Variants in MCAT observed in about 807,000 individuals in gnomAD.
MCAT encodes malonyl-CoA-acyl carrier protein transacylase, mitochondrial.
MCAT carries 22 observed loss-of-function variants against 22.9 expected under a neutral mutation model. The observed-to-expected ratio is 0.96, with a 90% confidence interval of 0.69 to 1.37. The LOEUF is 1.37. Ranked by LOEUF, MCAT falls within the 40% of genes most tolerant of loss-of-function variation. MCAT has a pLI of 0.00. For synonymous variants in MCAT, 240 were observed against 233.9 expected, an observed-to-expected ratio of 1.03 and a Z score of -0.24; for missense variants, 534 against 533.6, an observed-to-expected ratio of 1.00 and a Z score of -0.01.
intron 3 of MCAT, among the ~76,000 whole-genome samples, chr22:43,136,566 G>C (rs1300518618): frequency 6.6e-6 from 1 of 152,222 alleles, no homozygotes; most frequent in East Asian, 1.9e-4. Context: ...CCATTCACGG[G>C]GCTCTTCCTT....
chr22:43,140,028 T>C (rs1930725385), intron 2 of MCAT, among the ~76,000 whole-genome samples: 2 of 152,204 alleles, frequency 1.3e-5, no homozygotes, highest in South Asian at 4.1e-4. Context: ...AATTAACCAC[T>C]TTAATGTGTA....
chr22:43,136,317 CAG>C (rs1180608942), intron 3 of MCAT, among the ~76,000 whole-genome samples: 1 of 152,244 alleles, frequency 6.6e-6, no homozygotes, highest in Non-Finnish European at 1.5e-5. Context: ...TGAAGTAAGA[CAG>C]AAATGCCTGG....
intron 2 of MCAT, among the ~76,000 whole-genome samples, chr22:43,139,935 T>C (rs375012916): frequency 6.6e-5 from 10 of 152,276 alleles, no homozygotes; most frequent in African/African-American, 2.4e-4. Flanking sequence ...AATTGTTTCA[T>C]AAAATGTGAA....
chr22:43,142,429 G>A (rs1930794109), intron 1 of MCAT, among the ~76,000 whole-genome samples: 1 of 151,836 alleles, frequency 6.6e-6, no homozygotes, highest in Non-Finnish European at 1.5e-5. Context: ...AGAGGTTGCA[G>A]TGAGCCAAGA....
chr22:43,135,156 C>T (rs1030451877), intron 3 of MCAT, among the ~76,000 whole-genome samples: 1 of 152,238 alleles, frequency 6.6e-6, no homozygotes, highest in Non-Finnish European at 1.5e-5. Flanking sequence ...GGCTTCCCCC[C>T]TGAGGGGGTA....
intron 2 of MCAT, among the ~76,000 whole-genome samples, chr22:43,140,242 A>G (rs1300213125): frequency 6.6e-6 from 1 of 152,176 alleles, no homozygotes; most frequent in East Asian, 1.9e-4. Flanking sequence ...CAGTGGCACA[A>G]TCGTGGCTCA....
At chr22:43,140,230 T>G (rs1346245010) in intron 2 of MCAT, among the ~76,000 whole-genome samples, 1 of 152,222 alleles carries the variant, frequency 6.6e-6, no homozygotes, top group Non-Finnish European at 1.5e-5. Context: ...CATGCCGCAG[T>G]GCAGTGGCAC....
At position 43,138,594 on chromosome 22, in the gene MCAT, G is replaced by A. The variant is rs916924568; in HGVS notation, c.512-1296C>T. 1.4e-4 allele frequency among the ~76,000 whole-genome samples: 22 copies of A among 152,212 alleles called. No homozygotes were observed. The East Asian group carries it at 3.3e-3, about 23-fold the overall frequency. On this transcript the variant is annotated intron_variant, in intron 2 of 3. Transcript: ENST00000290429. ...ACTACCAAAAATACAAAAATTAGCC[G>A]GGCGTGGCAGTGTGCGCCTGTGGTC...
intron 3 of MCAT, among the ~76,000 whole-genome samples, chr22:43,135,500 T>G (rs1930576925): frequency 1.2e-5 from 1 of 86,252 alleles, no homozygotes; most frequent in Non-Finnish European, 2.2e-5. Context: ...TAAGACATTG[T>G]CTCAAAAAAC....
Position 43,143,277 on chromosome 22 carries a change from G to A in MCAT, c.72C>T (p.Ser24=). The A allele has an allele frequency of 7.0e-7, 1 of 1,435,874 alleles. No individual in the cohort carries two copies. The allele number at this position is 1,435,874 out of a possible 1,614,324, so 88.9% of individuals were successfully genotyped here. The change falls in exon 1 of 4, where the codon AGC becomes AGT. Residue 24 remains serine, a synonymous_variant. Transcript: ENST00000290429. The stretch of plus-strand genomic sequence containing the variant: ...GGGCGCCCGGCGGAGGCACCGGGAA[G>A]CTCGAGGCGCCGCGGCGGTAGCTGG... ...LGASYRRGAS[S]FPVPPPGAQG...
At position 43,139,706 on chromosome 22, in the gene MCAT, T is replaced by A. The variant is rs561916651; in HGVS notation, c.511+1456A>T. Among the ~76,000 whole-genome samples, 60 of 151,668 alleles carry A rather than the reference T, an allele frequency of 4.0e-4. 1 individual carries two copies. The highest frequency in any genetic ancestry group is 6.8e-3 in the Middle Eastern group (2 of 294). On this transcript the variant is annotated intron_variant, in intron 2 of 3. Coordinates refer to ENST00000290429, the MANE Select transcript of MCAT (RefSeq NM_173467.5). Reference sequence around the variant, plus strand: ...GATTCTTGTGCCTCAGCCTCCCAAGTAGCTAAGATTACAGGTGCACGCCAC... The same window carrying A: ...GATTCTTGTGCCTCAGCCTCCCAAGAAGCTAAGATTACAGGTGCACGCCAC...
At position 43,141,154 on chromosome 22, in the gene MCAT, T is replaced by G. The variant is rs753048748; in HGVS notation, c.511+8A>C. The G allele has an allele frequency of 6.2e-7, 1 of 1,613,838 alleles. No homozygotes were observed. The highest frequency in any genetic ancestry group is 8.5e-7 in the Non-Finnish European group (1 of 1,179,844). On this transcript the variant is annotated splice_region_variant and intron_variant, in intron 2 of 3. Transcript: ENST00000290429. ...CAGCCTTGCATAAAACCAAACTCCT[T>G]CCTGTACCTTCAGCAAATTCCATGG...
intron 2 of MCAT, among the ~76,000 whole-genome samples, chr22:43,139,796 T>TC (rs1434465528): frequency 6.6e-6 from 1 of 152,130 alleles, no homozygotes; most frequent in Non-Finnish European, 1.5e-5. Flanking sequence ...CAGGCTGGTC[T>TC]CAAACTCCTG....
In MCAT at chr22:43,138,692, A is replaced by C. The variant is rs1354216570; in HGVS notation, c.512-1394T>G. 2.6e-5 allele frequency among the ~76,000 whole-genome samples: 4 copies of C among 152,114 alleles called. No homozygotes were observed. The East Asian group carries it at 5.8e-4, about 22-fold the overall frequency. ...GTTGAGGCTACAGTGAGCTGTGTTC[A>C]TGCCACTGTATTCCAGCCTGGGTGA... On this transcript the variant is annotated intron_variant, in intron 2 of 3. Coordinates refer to ENST00000290429, the MANE Select transcript of MCAT (RefSeq NM_173467.5).
chr22:43,137,176 G>C lies in MCAT; in HGVS notation c.634C>G (p.Arg212Gly), dbSNP rs759491564. The change falls in exon 3 of 4, where the codon CGG becomes GGG. Residue 212 changes from arginine (R) to glycine (G), a missense_variant. By Grantham distance (125) the Arg-to-Gly change is moderately radical. Coordinates refer to ENST00000290429, the MANE Select transcript of MCAT (RefSeq NM_173467.5). ...ATGCCTAAAGACTTGCAGTGTTCCC[G>C]GGCTTCCAAACAGGCGAAGTTGAAC... Reference protein sequence around the residue: ...SKFNFACLEAREHCKSLGIEN... With the variant: ...SKFNFACLEAGEHCKSLGIEN... 3 of 1,613,992 alleles carry C rather than the reference G, an allele frequency of 1.9e-6. No homozygotes were observed. In the African/African-American group the frequency reaches 4.0e-5, roughly 22 times the overall value.
intron 2 of MCAT, among the ~76,000 whole-genome samples, chr22:43,138,676 A>C: frequency 6.6e-6 from 1 of 152,100 alleles, no homozygotes; most frequent in Non-Finnish European, 1.5e-5. Context: ...AGTTGAGGCT[A>C]CAGTGAGCTG....
In MCAT at chr22:43,133,501, A is replaced by T. The variant is rs1434084464; in HGVS notation, c.730-15T>A. 5 of 1,587,660 alleles carry T rather than the reference A, an allele frequency of 3.1e-6. No homozygotes were observed. The highest frequency in any genetic ancestry group is 4.3e-6 in the Non-Finnish European group (5 of 1,166,112). ...AACCGTAGAGCCTGGGGAAGGAAGGAGGTTTCAGCCGAGCAATGTCCCAGA... is the reference window on the plus strand; with the variant it reads ...AACCGTAGAGCCTGGGGAAGGAAGGTGGTTTCAGCCGAGCAATGTCCCAGA... On this transcript the variant is annotated splice_polypyrimidine_tract_variant and intron_variant, in intron 3 of 3. Coordinates refer to ENST00000290429, the MANE Select transcript of MCAT (RefSeq NM_173467.5).
chr22:43,134,195 T>C (rs1423875455), intron 3 of MCAT, among the ~76,000 whole-genome samples: 3 of 152,200 alleles, frequency 2.0e-5, no homozygotes, highest in Non-Finnish European at 2.9e-5. Flanking sequence ...TCTAGGATAT[T>C]GTCACTTTCA....
At position 43,143,363 on chromosome 22, in the gene MCAT, CCG is replaced by C; in HGVS notation, c.-17_-16del. The C allele has an allele frequency of 7.4e-7, 1 of 1,353,866 alleles. No homozygotes were observed. The allele number at this position is 1,353,866 out of a possible 1,614,324, so 83.9% of individuals were successfully genotyped here. A position where few individuals can be genotyped will look rare whatever the true frequency, so the allele number is the denominator to read the frequency against. ...CGGACGCTCATGGTCGGACACCTGCCCGCGCGCGTTACCGTGGCGACCGAGGC... is the reference window on the plus strand; with the variant it reads ...CGGACGCTCATGGTCGGACACCTGCCCGCGCGTTACCGTGGCGACCGAGGC... On this transcript the variant is annotated 5_prime_UTR_variant, in exon 1 of 4. Coordinates refer to ENST00000290429, the MANE Select transcript of MCAT (RefSeq NM_173467.5).
Sources: allele counts gnomAD v4.1 joint callset (sites outside exome capture counted in the v4.1 genomes callset), GRCh38; gene constraint gnomAD v4.1.1; transcripts MANE v1.5; gene names NCBI Gene and HGNC (gene_info 2026-07-23, HGNC 2026-07-21).